SHISA9: variants seen among roughly 807,000 people sequenced by gnomAD.
SHISA9 encodes the protein protein shisa-9.
SHISA9 carries 13 observed loss-of-function variants against 38.0 expected under a neutral mutation model. The ratio of observed to expected loss-of-function variants is 0.34; its 90% CI spans 0.22 to 0.54. The LOEUF (loss-of-function observed/expected upper bound fraction) is 0.54. SHISA9 is among the 20% of genes least tolerant of loss of function. The pLI is 0.91. For synonymous variants in SHISA9, 275 were observed against 242.0 expected, an observed-to-expected ratio of 1.14 and a Z score of -1.27; for missense variants, 538 against 575.8, an observed-to-expected ratio of 0.93 and a Z score of 0.67.
the SHISA9 span, among the ~76,000 whole-genome samples, chr16:13,298,523 T>G: frequency 6.6e-6 from 1 of 152,162 alleles, no homozygotes; most frequent in African/African-American, 2.4e-5. Context: ...GTTCTTATTG[T>G]GTAGAGGAGG....
the SHISA9 span, among the ~76,000 whole-genome samples, chr16:13,355,497 A>C: frequency 3.9e-5 from 6 of 152,080 alleles, no homozygotes; most frequent in Non-Finnish European, 8.8e-5. Context: ...GTAGCCCAGG[A>C]ATAGTCAGGG....
At position 13,203,511 on chromosome 16, in the gene SHISA9, G is replaced by C. The variant is rs900500761; in HGVS notation, c.809G>C (p.Gly270Ala). The C allele has an allele frequency of 2.0e-5, 31 of 1,547,090 alleles. No individual in the cohort carries two copies. Among genetic ancestry groups the C allele is most frequent in the Non-Finnish European group, 2.6e-5 (30 of 1,144,892 alleles). ...AACCCCTATGAACAGCAGCCACCAG[G>C]AAAAGAGCTCAACAAGTACGCCTCC... ...ISNPYEQQPPGKELNKYASLK... is the reference protein window; with the variant it reads ...ISNPYEQQPPAKELNKYASLK... Residue 270 changes from glycine (G) to alanine (A), a missense_variant, in exon 3 of 5, where the codon GGA (glycine) becomes GCA (alanine). By Grantham distance (60) the Gly-to-Ala change is moderately conservative (BLOSUM62 0). Transcript: ENST00000558583.
chr16:13,549,362 T>A, the SHISA9 span, among the ~76,000 whole-genome samples: 1 of 152,152 alleles, frequency 6.6e-6, no homozygotes, highest in East Asian at 1.9e-4. Flanking sequence ...GTGATGGATA[T>A]GGTAAATATG....
chr16:13,189,835 G>A (rs1018645585), intron 2 of SHISA9, among the ~76,000 whole-genome samples: 4 of 152,152 alleles, frequency 2.6e-5, no homozygotes, highest in Admixed American at 6.5e-5. Context: ...TTAGAACTGC[G>A]AGTAAAGAAG....
the SHISA9 span, among the ~76,000 whole-genome samples, chr16:13,465,354 T>TG: frequency 6.6e-6 from 1 of 152,116 alleles, no homozygotes; most frequent in African/African-American, 2.4e-5. Context: ...AAGTTGAACG[T>TG]GGGGCAGGTT....
At chr16:13,006,482 G>C (rs1317680717) in intron 2 of SHISA9, among the ~76,000 whole-genome samples, 2 of 152,210 alleles carry the variant, frequency 1.3e-5, no homozygotes, top group Non-Finnish European at 2.9e-5. Flanking sequence ...GCAAGACACA[G>C]AGACTCTGTC....
At chr16:13,260,007 CTTTTTTTTTT>C in the SHISA9 span, among the ~76,000 whole-genome samples, 5 of 60,416 alleles carry the variant, frequency 8.3e-5, 1 homozygote, top group Non-Finnish European at 1.2e-4. Flanking sequence ...TTCTTTCTTT[CTTTTTTTTTT>C]TTTTTTTTTT....
intron 2 of SHISA9, among the ~76,000 whole-genome samples, chr16:13,039,881 T>C (rs2073114728): frequency 6.6e-6 from 1 of 152,170 alleles, no homozygotes; most frequent in African/African-American, 2.4e-5. Flanking sequence ...TTCAGTTTCC[T>C]AATCTGAAAA....
intron 2 of SHISA9, among the ~76,000 whole-genome samples, chr16:13,127,023 G>C (rs2050264888): frequency 7.0e-6 from 1 of 142,180 alleles, no homozygotes; most frequent in South Asian, 2.4e-4. Context: ...GAAGGAGACA[G>C]AGAGAGCCGA....
At chr16:13,256,570 G>T in the SHISA9 span, among the ~76,000 whole-genome samples, 1 of 152,202 alleles carries the variant, frequency 6.6e-6, no homozygotes, top group African/African-American at 2.4e-5. Context: ...GTGAGCCACT[G>T]CACCTGGCCG....
At chr16:13,185,727 C>A (rs1164842719) in intron 2 of SHISA9, among the ~76,000 whole-genome samples, 3 of 152,082 alleles carry the variant, frequency 2.0e-5, no homozygotes, top group Admixed American at 6.5e-5. Flanking sequence ...CCTCAGTACC[C>A]AGAATGATGC....
Position 12,901,997 on chromosome 16 carries a change from G to T in SHISA9, c.-68G>T, listed in dbSNP as rs1253377569. 5 of 1,293,574 alleles carry T rather than the reference G, an allele frequency of 3.9e-6. No homozygotes were observed. The highest frequency in any genetic ancestry group is 3.2e-5 in the East Asian group (1 of 31,054). 80.1% of individuals were successfully genotyped at this position (1,293,574 alleles called of 1,614,324 possible). ...GGCAGCAGCCTCGGCAGCTTCGGCC[G>T]CGCCTCGAGAGGCGGCCGCAGAGGC... On this transcript the variant is annotated 5_prime_UTR_variant, in exon 1 of 5. Transcript: ENST00000558583.
At chr16:13,316,344 G>C in the SHISA9 span, among the ~76,000 whole-genome samples, 8 of 152,154 alleles carry the variant, frequency 5.3e-5, no homozygotes, top group African/African-American at 1.4e-4. Flanking sequence ...AGGGGATTCT[G>C]TGTGTAGGTT....
At position 13,069,293 on chromosome 16, in the gene SHISA9, A is replaced by G. The variant is rs548918411; in HGVS notation, c.692-134101A>G. ...GTGTGCGTGTGTGTACCTGCAATGT[A>G]TGCGTGTGTATATGTGTATACATGT... is the stretch of plus-strand genomic sequence containing the variant. On this transcript the variant is annotated intron_variant, in intron 2 of 4. Coordinates refer to ENST00000558583, the MANE Select transcript of SHISA9 (RefSeq NM_001145204.3). 1.4e-4 allele frequency among the ~76,000 whole-genome samples: 22 copies of G among 151,736 alleles called. No homozygotes were observed. In the South Asian group the frequency reaches 4.4e-3, roughly 30 times the overall value.
chr16:12,939,658 T>G (rs2071582987), intron 2 of SHISA9, among the ~76,000 whole-genome samples: 1 of 152,146 alleles, frequency 6.6e-6, no homozygotes, highest in Non-Finnish European at 1.5e-5. Context: ...GACTTGTGCT[T>G]TTTTTCCACT....
the SHISA9 span, among the ~76,000 whole-genome samples, chr16:13,396,570 C>A: frequency 6.6e-6 from 1 of 152,204 alleles, no homozygotes; most frequent in African/African-American, 2.4e-5. Flanking sequence ...AGACTAGACC[C>A]AAATCCTCTT....
chr16:13,138,422 T>C (rs1051368981), intron 2 of SHISA9, among the ~76,000 whole-genome samples: 1 of 152,224 alleles, frequency 6.6e-6, no homozygotes, highest in Non-Finnish European at 1.5e-5. Context: ...TCAGGATGGC[T>C]ACTTTTTAGA....
intron 2 of SHISA9, among the ~76,000 whole-genome samples, chr16:13,059,196 C>T (rs1051562880): frequency 1.4e-5 from 2 of 139,752 alleles, no homozygotes; most frequent in Non-Finnish European, 3.0e-5. Context: ...GGCGTGATCT[C>T]GGCTCATTGC....
chr16:12,906,467 G>A (rs1380355758), intron 1 of SHISA9, among the ~76,000 whole-genome samples: 1 of 152,058 alleles, frequency 6.6e-6, no homozygotes, highest in African/African-American at 2.4e-5. Context: ...GCGGTGGGGG[G>A]AGGCTCGCAT....
Sources: allele counts gnomAD v4.1 joint callset (sites outside exome capture counted in the v4.1 genomes callset), GRCh38; gene constraint gnomAD v4.1.1; transcripts MANE v1.5; gene names NCBI Gene and HGNC (gene_info 2026-07-23, HGNC 2026-07-21).